ZNF704: variants seen among roughly 807,000 people sequenced by gnomAD.
ZNF704 encodes the protein glucocorticoid induced gene 1.
A neutral mutation model predicts 44.7 loss-of-function variants in ZNF704; 10 were observed. The ratio of observed to expected loss-of-function variants is 0.22; its 90% CI spans 0.14 to 0.38. The LOEUF is 0.38. Ranked by LOEUF, ZNF704 falls within the 10% of genes least tolerant of loss-of-function variation. The probability of loss-of-function intolerance (pLI) is 1.00; values close to 1 mark genes in which losing one functional copy is unlikely to be tolerated. For synonymous variants in ZNF704, 211 were observed against 207.6 expected, an observed-to-expected ratio of 1.02 and a Z score of -0.14; for missense variants, 390 against 545.5, an observed-to-expected ratio of 0.71 and a Z score of 2.84.
At chr8:80,878,711 C>T (rs1284253001), upstream of ZNF704, among the ~76,000 whole-genome samples, 1 of 152,194 alleles carries the variant, frequency 6.6e-6, no homozygotes, top group African/African-American at 2.4e-5. Context: ...CTGTCTAAGT[C>T]AAGCATAATC....
At chr8:80,830,983 T>C (rs965821533) in intron 1 of ZNF704, among the ~76,000 whole-genome samples, 2 of 151,980 alleles carry the variant, frequency 1.3e-5, no homozygotes, top group Non-Finnish European at 2.9e-5. Flanking sequence ...CTTGAACTCC[T>C]GACCTCGTGA....
At chr8:80,676,764 G>A (rs1254544225) in intron 4 of ZNF704, among the ~76,000 whole-genome samples, 1 of 152,268 alleles carries the variant, frequency 6.6e-6, no homozygotes, top group Non-Finnish European at 1.5e-5. Context: ...GGCACAGGTC[G>A]GGATGAAACT....
chr8:80,863,259 TA>T (rs1809100149), intron 1 of ZNF704, among the ~76,000 whole-genome samples: 1 of 152,122 alleles, frequency 6.6e-6, no homozygotes. Flanking sequence ...TTGTTAAAAA[TA>T]AAAAATTAGT....
At position 80,641,003 on chromosome 8, in the gene ZNF704, G is replaced by C. The variant is rs948706896; in HGVS notation, c.*363C>G. On this transcript the variant is annotated 3_prime_UTR_variant, in exon 9 of 9. Transcript: ENST00000327835. ...AAAATCTTGAAAATGGCATAATTCAGAAAGCTTATCAAAATATGCCTCCTT... is the reference window on the plus strand; with the variant it reads ...AAAATCTTGAAAATGGCATAATTCACAAAGCTTATCAAAATATGCCTCCTT... The C allele has an allele frequency of 1.3e-4, 21 of 161,964 alleles. No homozygotes were observed. The highest frequency in any genetic ancestry group is 2.2e-4 in the Non-Finnish European group (16 of 74,116). The allele number at this position is 161,964 out of a possible 1,614,324, so 10.0% of individuals were successfully genotyped here. A position where few individuals can be genotyped will look rare whatever the true frequency, so the allele number is the denominator to read the frequency against.
chr8:80,633,480 A>G lies in ZNF704; in HGVS notation c.*7886T>C, dbSNP rs1478991646. On this transcript the variant is annotated 3_prime_UTR_variant, in exon 9 of 9. Coordinates refer to ENST00000327835, the MANE Select transcript of ZNF704 (RefSeq NM_001033723.3). ...AGTAACGGGTGGGCTCTTTATGTCT[A>G]TGCTGAAAGGCCTGGACTGAATAGA... 4 of 152,166 alleles carry G rather than the reference A, an allele frequency of 2.6e-5. No homozygotes were observed. The highest frequency in any genetic ancestry group is 9.7e-5 in the African/African-American group (4 of 41,434). 9.4% of individuals were successfully genotyped at this position (152,166 alleles called of 1,614,324 possible).
At chr8:80,838,394 G>A (rs1003562188) in intron 1 of ZNF704, among the ~76,000 whole-genome samples, 4 of 152,086 alleles carry the variant, frequency 2.6e-5, no homozygotes, top group African/African-American at 7.2e-5. Context: ...GCAGAAACAG[G>A]GCCAACTGAA....
At chr8:80,784,608 TG>T (rs1204516387) in intron 2 of ZNF704, among the ~76,000 whole-genome samples, 13 of 152,238 alleles carry the variant, frequency 8.5e-5, no homozygotes, top group Non-Finnish European at 1.3e-4. Context: ...TTAATTGGGT[TG>T]TTTTTTTATT....
intron 1 of ZNF704, among the ~76,000 whole-genome samples, chr8:80,855,112 C>T (rs932546661): frequency 5.9e-5 from 9 of 152,116 alleles, no homozygotes; most frequent in South Asian, 4.1e-4. Flanking sequence ...AAAAGAACCA[C>T]GCCTTTCTTG....
At chr8:80,647,480 T>C (rs1817851663) in intron 7 of ZNF704, among the ~76,000 whole-genome samples, 1 of 152,192 alleles carries the variant, frequency 6.6e-6, no homozygotes, top group South Asian at 2.1e-4. Flanking sequence ...AGACATCTGA[T>C]TAATGCTTTA....
chr8:80,739,946 G>A (rs373002511), intron 2 of ZNF704, among the ~76,000 whole-genome samples: 16 of 152,106 alleles, frequency 1.1e-4, no homozygotes, highest in East Asian at 5.8e-4. Flanking sequence ...GAGGGTGCCC[G>A]GGCCAAGTGC....
At chr8:80,732,745 C>T (rs118090698) in intron 2 of ZNF704, among the ~76,000 whole-genome samples, 3,028 of 152,128 alleles carry the variant, frequency 0.02, 50 homozygotes, top group Non-Finnish European at 0.031. Context: ...TGCTTGAGCC[C>T]AGGAGTTTGA....
chr8:80,633,472 TTA>T lies in ZNF704; in HGVS notation c.*7892_*7893del, dbSNP rs1423387661. ...CATGACTGAGTAACGGGTGGGCTCTTTATGTCTATGCTGAAAGGCCTGGACTG... is the reference window on the plus strand; with the variant it reads ...CATGACTGAGTAACGGGTGGGCTCTTTGTCTATGCTGAAAGGCCTGGACTG... On this transcript the variant is annotated 3_prime_UTR_variant, in exon 9 of 9. Transcript: ENST00000327835. 6.6e-6 allele frequency: 1 copy of T among 152,188 alleles called. No individual in the cohort carries two copies. The highest frequency in any genetic ancestry group is 1.5e-5 in the Non-Finnish European group (1 of 68,036). The allele number at this position is 152,188 out of a possible 1,614,324, so 9.4% of individuals were successfully genotyped here.
intron 1 of ZNF704, among the ~76,000 whole-genome samples, chr8:80,823,030 G>T (rs1191690843): frequency 1.3e-5 from 2 of 152,186 alleles, no homozygotes; most frequent in Non-Finnish European, 2.9e-5. Context: ...TGATGCAGAA[G>T]ACAGGGGATT....
intron 2 of ZNF704, among the ~76,000 whole-genome samples, chr8:80,795,344 C>G (rs10504718): frequency 0.21 from 32,385 of 151,970 alleles, 4,829 homozygotes; most frequent in African/African-American, 0.43. Context: ...TAAAACAAGG[C>G]GTTATAAATC....
intron 2 of ZNF704, among the ~76,000 whole-genome samples, chr8:80,728,101 T>C (rs141434062): frequency 3.5e-4 from 54 of 152,350 alleles, no homozygotes; most frequent in African/African-American, 1.2e-3. Flanking sequence ...ATCATTATCA[T>C]TTATTTAGCT....
intron 7 of ZNF704, among the ~76,000 whole-genome samples, chr8:80,649,526 C>A (rs537810926): frequency 2.6e-5 from 4 of 152,224 alleles, no homozygotes; most frequent in Non-Finnish European, 4.4e-5. Flanking sequence ...TATCCTGCAC[C>A]TGGCTCGGAG....
intron 6 of ZNF704, among the ~76,000 whole-genome samples, chr8:80,661,507 G>C (rs1004480531): frequency 2.0e-5 from 3 of 152,158 alleles, no homozygotes; most frequent in Admixed American, 6.5e-5. Flanking sequence ...GTTTATTGCA[G>C]CACTATTCAC....
At chr8:80,878,943 A>G (rs944445954), upstream of ZNF704, among the ~76,000 whole-genome samples, 9 of 152,162 alleles carry the variant, frequency 5.9e-5, no homozygotes, top group Non-Finnish European at 4.4e-5. Flanking sequence ...CAGTTTAGTC[A>G]TCTCATATTG....
chr8:80,796,965 A>AAGGGAGGGAGGGAGGGAGGG (rs535065228), intron 2 of ZNF704, among the ~76,000 whole-genome samples: 1 of 108,694 alleles, frequency 9.2e-6, no homozygotes, highest in East Asian at 2.8e-4. Flanking sequence ...GAGAGAAGGA[A>AAGGGAGGGAGGGAGGGAGGG]AGGGAGGGAG....
Sources: allele counts gnomAD v4.1 joint callset (sites outside exome capture counted in the v4.1 genomes callset), GRCh38; gene constraint gnomAD v4.1.1; transcripts MANE v1.5; gene names NCBI Gene and HGNC (gene_info 2026-07-23, HGNC 2026-07-21).